Variants in MYLK observed in about 807,000 individuals in gnomAD.
The protein encoded by MYLK is myosin light chain kinase, smooth muscle.
In MYLK, 106 loss-of-function variants were observed where a neutral mutation model predicts 203.4. That is an observed-to-expected ratio of 0.52 (90% CI 0.45 to 0.61). The LOEUF (loss-of-function observed/expected upper bound fraction) is 0.61, where lower values mean the gene tolerates loss of function less well. MYLK is among the 20% of genes least tolerant of loss of function. The pLI, the probability that MYLK is intolerant of heterozygous loss-of-function variation, is 0.00. For missense variants in MYLK, 2,072 were observed against 2,442.3 expected (o/e 0.85, Z 3.20); for synonymous variants, 867 against 959.5 (o/e 0.90, Z 1.78).
intron 18 of MYLK, among the ~76,000 whole-genome samples, chr3:123,698,426 G>A (rs181839134): frequency 1.7e-4 from 26 of 152,290 alleles, no homozygotes; most frequent in African/African-American, 5.8e-4. Context: ...AGAGATCACC[G>A]TAGGGTGACC....
At chr3:123,674,311 CA>C (rs2060007448) in intron 20 of MYLK, among the ~76,000 whole-genome samples, 1 of 152,158 alleles carries the variant, frequency 6.6e-6, no homozygotes, top group Non-Finnish European at 1.5e-5. Flanking sequence ...CCAACTGCAT[CA>C]CCTCCTAGGC....
At chr3:123,723,386 G>A (rs1391304780) in intron 12 of MYLK, among the ~76,000 whole-genome samples, 3 of 152,224 alleles carry the variant, frequency 2.0e-5, no homozygotes, top group Non-Finnish European at 4.4e-5. Context: ...GGGGCCGAGG[G>A]CTGGGAAAGG....
chr3:123,701,482 C>T lies in MYLK; in HGVS notation c.2418G>A (p.Gln806=), dbSNP rs1391009161. ...AGCTGTTCTGTAGCATCAGTGACAC[C>T]TGGCAACTGCATTCGCCAACCCGGT... ...LKNRVGECSC[Q]VSLMLQNSSA... The change falls in exon 17 of 34, where the codon CAG becomes CAA. Residue 806 remains glutamine (Q), a synonymous_variant. Coordinates refer to ENST00000360304, the MANE Select transcript of MYLK (RefSeq NM_053025.4). The T allele has an allele frequency of 6.2e-7, 1 of 1,613,968 alleles. No individual in the cohort carries two copies. The highest frequency in any genetic ancestry group is 8.5e-7 in the Non-Finnish European group (1 of 1,180,036).
chr3:123,704,770 ATT>A (rs2061392055), intron 16 of MYLK, among the ~76,000 whole-genome samples: 1 of 118,670 alleles, frequency 8.4e-6, no homozygotes, highest in African/African-American at 2.9e-5. Flanking sequence ...AAAAAAAAAA[ATT>A]AGCCGGGCGT....
At chr3:123,750,252 A>T (rs1161463789) in intron 5 of MYLK, among the ~76,000 whole-genome samples, 1 of 152,164 alleles carries the variant, frequency 6.6e-6, no homozygotes, top group Non-Finnish European at 1.5e-5. Flanking sequence ...TTTTATTTTA[A>T]TTAACTGTAT....
At chr3:123,836,812 G>A (rs1013342782) in intron 2 of MYLK, among the ~76,000 whole-genome samples, 1 of 152,194 alleles carries the variant, frequency 6.6e-6, no homozygotes, top group Non-Finnish European at 1.5e-5. Context: ...ACATAGTAGA[G>A]AGGAGTTTGA....
chr3:123,651,479 CCT>C (rs2059209582), intron 24 of MYLK, among the ~76,000 whole-genome samples: 1 of 152,144 alleles, frequency 6.6e-6, no homozygotes, highest in Non-Finnish European at 1.5e-5. Flanking sequence ...CAGGGAGGCC[CCT>C]GTCTTGACCT....
At chr3:123,632,692 T>C (rs1283709290) in intron 29 of MYLK, among the ~76,000 whole-genome samples, 3 of 152,192 alleles carry the variant, frequency 2.0e-5, no homozygotes, top group South Asian at 2.1e-4. Flanking sequence ...AAGAGGGTGT[T>C]TGAATTTTCA....
chr3:123,731,603 A>C (rs1439336969), intron 11 of MYLK, among the ~76,000 whole-genome samples: 1 of 152,190 alleles, frequency 6.6e-6, no homozygotes, highest in African/African-American at 2.4e-5. Context: ...ACAAAAGTAG[A>C]CAAAGCAGTG....
chr3:123,772,495 T>C (rs1032354411), intron 4 of MYLK, among the ~76,000 whole-genome samples: 2 of 152,074 alleles, frequency 1.3e-5, no homozygotes, highest in African/African-American at 4.8e-5. Context: ...AGAAGAAATG[T>C]GGATATAATC....
intron 33 of MYLK, chr3:123,616,757 G>A (rs1057376096): frequency 3.3e-5 from 5 of 152,082 alleles, no homozygotes; most frequent in South Asian, 2.1e-4. Context: ...AACGTGGCAC[G>A]TCCTTCTCTC....
chr3:123,695,740 C>A (rs559213214), intron 18 of MYLK, among the ~76,000 whole-genome samples: 12 of 152,298 alleles, frequency 7.9e-5, no homozygotes, highest in African/African-American at 2.6e-4. Flanking sequence ...TACCTATTCA[C>A]AACAGCAACA....
At chr3:123,774,565 A>G (rs1437570028) in intron 4 of MYLK, among the ~76,000 whole-genome samples, 1 of 152,220 alleles carries the variant, frequency 6.6e-6, no homozygotes, top group Non-Finnish European at 1.5e-5. Context: ...TCCATAGCTC[A>G]CTACTTTTCA....
At chr3:123,740,035 G>A in intron 5 of MYLK, 34 bp from the exon 6 acceptor site, 1 of 1,612,146 alleles carries the variant, frequency 6.2e-7, no homozygotes, top group Non-Finnish European at 8.5e-7. Context: ...TCAGGTCTGA[G>A]CCACCAACTT....
chr3:123,848,565 A>G (rs2148661810), intron 2 of MYLK, among the ~76,000 whole-genome samples: 1 of 152,318 alleles, frequency 6.6e-6, no homozygotes, highest in South Asian at 2.1e-4. Flanking sequence ...CTGCCAAATG[A>G]CACAGTTCTA....
At chr3:123,761,925 C>A (rs564528912) in intron 4 of MYLK, among the ~76,000 whole-genome samples, 153 of 152,064 alleles carry the variant, frequency 1.0e-3, no homozygotes, top group Non-Finnish European at 1.8e-3. Context: ...TACTCGGGAG[C>A]CTGAGGCAGG....
chr3:123,645,923 C>T (rs2059004223), intron 27 of MYLK, among the ~76,000 whole-genome samples: 2 of 152,140 alleles, frequency 1.3e-5, no homozygotes, highest in African/African-American at 2.4e-5. Context: ...GCAGATGGAT[C>T]GCTTGAGCCC....
chr3:123,665,354 T>A (rs1228729370), intron 22 of MYLK, among the ~76,000 whole-genome samples: 1 of 152,208 alleles, frequency 6.6e-6, no homozygotes, highest in Non-Finnish European at 1.5e-5. Context: ...CCATCTTATT[T>A]CAGACAACAG....
chr3:123,697,553 G>C (rs2060982556), intron 18 of MYLK, among the ~76,000 whole-genome samples: 1 of 152,036 alleles, frequency 6.6e-6, no homozygotes, highest in Non-Finnish European at 1.5e-5. Flanking sequence ...TCTAGGCACG[G>C]GAACTCAGCC....
Sources: gnomAD v4.1 joint callset for allele counts (sites outside exome capture counted in the v4.1 genomes callset) on GRCh38, gnomAD v4.1.1 for gene constraint, MANE v1.5 for transcripts, NCBI Gene and HGNC (gene_info 2026-07-23, HGNC 2026-07-21) for gene names.